Variants in ARHGDIB observed in about 807,000 individuals in gnomAD.
ARHGDIB encodes Rho GDP dissociation inhibitor beta.
In ARHGDIB, 20 loss-of-function variants were observed where a neutral mutation model predicts 22.6. The observed-to-expected ratio is 0.88, with a 90% CI of 0.62 to 1.28. The LOEUF (loss-of-function observed/expected upper bound fraction) is 1.28, where lower values mean the gene tolerates loss of function less well. Ranked by LOEUF, ARHGDIB falls within the 50% of genes most tolerant of loss-of-function variation. ARHGDIB has a pLI of 0.00. For missense variants in ARHGDIB, 254 were observed against 245.4 expected, an observed-to-expected ratio of 1.04 and a Z score of -0.23; for synonymous variants, 114 against 96.1, an observed-to-expected ratio of 1.19 and a Z score of -1.09.
At chr12:14,957,285 G>C (rs953573072) in intron 1 of ARHGDIB, among the ~76,000 whole-genome samples, 1 of 152,170 alleles carries the variant, frequency 6.6e-6, no homozygotes, top group Non-Finnish European at 1.5e-5. Flanking sequence ...GGACTATACT[G>C]GTCAAGAATA....
At chr12:14,956,723 A>G (rs867620897) in intron 1 of ARHGDIB, among the ~76,000 whole-genome samples, 3 of 152,212 alleles carry the variant, frequency 2.0e-5, no homozygotes, top group Admixed American at 6.5e-5. Flanking sequence ...TGCTTCACAG[A>G]TGCGCATACA....
chr12:14,958,774 A>G (rs1864352279), intron 1 of ARHGDIB, among the ~76,000 whole-genome samples: 1 of 152,126 alleles, frequency 6.6e-6, no homozygotes, highest in Non-Finnish European at 1.5e-5. Flanking sequence ...GCCCAAGTGA[A>G]TTTTTACCAG....
At chr12:14,960,843 C>T (rs988905439) in intron 1 of ARHGDIB, among the ~76,000 whole-genome samples, 2 of 152,206 alleles carry the variant, frequency 1.3e-5, no homozygotes, top group East Asian at 3.9e-4. Flanking sequence ...ATCTGCCCAT[C>T]CGACTGCAGG....
intron 1 of ARHGDIB, among the ~76,000 whole-genome samples, chr12:14,958,181 T>G (rs1464361973): frequency 6.6e-6 from 1 of 152,130 alleles, no homozygotes; most frequent in African/African-American, 2.4e-5. Flanking sequence ...CAAATTTGTC[T>G]CTCAGGACAC....
At position 14,942,673 on chromosome 12, in the gene ARHGDIB, T is replaced by G; in HGVS notation, c.455A>C (p.Glu152Ala). Residue 152 changes from glutamate (E) to alanine (A), a missense_variant, in exon 6 of 6, where the codon GAG becomes GCG. Transcript: ENST00000228945. The part of the protein sequence containing the change: ...MVGSYGPRPE[E>A]YEFLTPVEEA... ...CTCAACTGGAGTGAGGAACTCATACTCCTCAGGCCGAGGTCCATAGCTGCC... is the reference window on the plus strand; with the variant it reads ...CTCAACTGGAGTGAGGAACTCATACGCCTCAGGCCGAGGTCCATAGCTGCC... 6.2e-7 allele frequency: 1 copy of G among 1,614,122 alleles called. No homozygotes were observed. The highest frequency in any genetic ancestry group is 8.5e-7 in the Non-Finnish European group (1 of 1,180,004).
Position 14,957,248 on chromosome 12 carries a change from AT to A in ARHGDIB, c.-13+4288del, listed in dbSNP as rs1455861428. ...ATATTCTTTTTTACGGGGTTGAAAG[AT>A]TGGAGAAAACACATGAAAAATTATA... On this transcript the variant is annotated intron_variant, in intron 1 of 5. Coordinates refer to ENST00000228945, the MANE Select transcript of ARHGDIB (RefSeq NM_001175.7). 4.6e-5 allele frequency among the ~76,000 whole-genome samples: 7 copies of A among 152,322 alleles called. No homozygotes were observed. In the East Asian group the frequency reaches 1.2e-3, roughly 25 times the overall value.
At chr12:14,945,214 G>T (rs909543486) in intron 4 of ARHGDIB, among the ~76,000 whole-genome samples, 1 of 152,068 alleles carries the variant, frequency 6.6e-6, no homozygotes, top group African/African-American at 2.4e-5. Context: ...CCTTGTCTTA[G>T]GAAAAGTTAT....
rs1012811178 is a variant in ARHGDIB, at chr12:14,942,470, C to T, written c.*52G>A. On this transcript the variant is annotated 3_prime_UTR_variant, in exon 6 of 6. Coordinates refer to ENST00000228945, the MANE Select transcript of ARHGDIB (RefSeq NM_001175.7). ...GGGAGGAGGGACAGGGTGCTGAACACGCCTGAGAGAATTCTTCCAGGTGGC... is the reference window on the plus strand; with the variant it reads ...GGGAGGAGGGACAGGGTGCTGAACATGCCTGAGAGAATTCTTCCAGGTGGC... 70 of 1,597,102 alleles carry T rather than the reference C, an allele frequency of 4.4e-5. No individual in the cohort carries two copies. The highest frequency in any genetic ancestry group is 3.4e-4 in the South Asian group (31 of 90,600).
chr12:14,949,373 A>G (rs1039172931), intron 3 of ARHGDIB, among the ~76,000 whole-genome samples: 4 of 152,132 alleles, frequency 2.6e-5, no homozygotes, highest in African/African-American at 7.2e-5. Context: ...TAGCAGTGGA[A>G]TTTCTAGTAT....
At position 14,957,981 on chromosome 12, in the gene ARHGDIB, T is replaced by C. The variant is rs537030112; in HGVS notation, c.-13+3556A>G. 2.6e-5 allele frequency among the ~76,000 whole-genome samples: 4 copies of C among 152,316 alleles called. No homozygotes were observed. In the South Asian group the frequency reaches 8.3e-4, roughly 32 times the overall value. On this transcript the variant is annotated intron_variant, in intron 1 of 5. Transcript: ENST00000228945. ...AGTTCCTATGTGAGCATCAGCATTC[T>C]CTGTAACTCCTGCTACCTCCACTTT...
At chr12:14,952,476 A>T (rs538804452) in intron 1 of ARHGDIB, among the ~76,000 whole-genome samples, 75 of 152,270 alleles carry the variant, frequency 4.9e-4, no homozygotes, top group African/African-American at 1.7e-3. Context: ...TAGCAGAAGA[A>T]ACAGCACCAC....
intron 1 of ARHGDIB, among the ~76,000 whole-genome samples, chr12:14,955,431 T>C (rs1864279602): frequency 6.6e-6 from 1 of 152,196 alleles, no homozygotes; most frequent in East Asian, 1.9e-4. Context: ...ATACCTCCTA[T>C]GAATCAATTT....
In ARHGDIB at chr12:14,950,794, T is replaced by C. The variant is rs1216543683; in HGVS notation, c.-12-70A>G. On this transcript the variant is annotated intron_variant, in intron 1 of 5. Transcript: ENST00000228945. ...TAAAAGATGTTAGTGGGGCTGCTGT[T>C]AGCAGCCTCCTTACCCTCATGGACT... The C allele has an allele frequency of 6.2e-6, 8 of 1,300,182 alleles. No individual in the cohort carries two copies. In the East Asian group the frequency reaches 9.5e-5, roughly 15 times the overall value. 80.5% of individuals were successfully genotyped at this position (1,300,182 alleles called of 1,614,324 possible).
chr12:14,952,674 G>A lies in ARHGDIB; in HGVS notation c.-12-1950C>T, dbSNP rs186956739. On this transcript the variant is annotated intron_variant, in intron 1 of 5. Coordinates refer to ENST00000228945, the MANE Select transcript of ARHGDIB (RefSeq NM_001175.7). The stretch of plus-strand genomic sequence containing the variant: ...GGCAAATGAAGAGCAAGCCAGATAA[G>A]ACTAATCAGATGAGACAGGGGCATA... Among the ~76,000 whole-genome samples the A allele has an allele frequency of 4.1e-4, 63 of 152,314 alleles. 2 individuals are homozygous for A. Among genetic ancestry groups the A allele is most frequent in the Admixed American group, 3.6e-3 (55 of 15,302 alleles).
intron 1 of ARHGDIB, among the ~76,000 whole-genome samples, chr12:14,959,681 T>C (rs1864372516): frequency 6.6e-6 from 1 of 152,184 alleles, no homozygotes; most frequent in South Asian, 2.1e-4. Flanking sequence ...GCTGAGTGTC[T>C]ACTGAAAACA....
intron 4 of ARHGDIB, among the ~76,000 whole-genome samples, chr12:14,947,327 A>G (rs1864041541): frequency 1.3e-5 from 2 of 152,190 alleles, no homozygotes; most frequent in African/African-American, 2.4e-5. Flanking sequence ...TTCCACAACT[A>G]TAATTGTAAT....
At chr12:14,956,020 C>A (rs1277738851) in intron 1 of ARHGDIB, among the ~76,000 whole-genome samples, 1 of 152,166 alleles carries the variant, frequency 6.6e-6, no homozygotes, top group African/African-American at 2.4e-5. Context: ...CTAAAGTTCA[C>A]GTTAAGTAAC....
At chr12:14,952,185 G>A (rs1205745926) in intron 1 of ARHGDIB, among the ~76,000 whole-genome samples, 3 of 148,412 alleles carry the variant, frequency 2.0e-5, no homozygotes, top group Admixed American at 6.8e-5. Flanking sequence ...GCCAAAATCA[G>A]TTCTAGTTTT....
chr12:14,946,896 A>G (rs1228177905), intron 4 of ARHGDIB, among the ~76,000 whole-genome samples: 1 of 152,232 alleles, frequency 6.6e-6, no homozygotes, highest in Non-Finnish European at 1.5e-5. Context: ...AATAATAAAT[A>G]ATATGACAGG....
Sources: gnomAD v4.1 joint callset for allele counts (sites outside exome capture counted in the v4.1 genomes callset) on GRCh38, gnomAD v4.1.1 for gene constraint, MANE v1.5 for transcripts, NCBI Gene and HGNC (gene_info 2026-07-23, HGNC 2026-07-21) for gene names.